The following GRIK3 variants were observed in gnomAD, a reference collection of about 807,000 sequenced individuals.
GRIK3 encodes the protein glutamate receptor ionotropic, kainate 3.
In GRIK3, 29 loss-of-function variants were observed where a neutral mutation model predicts 102.5. That is an observed-to-expected ratio of 0.28 (90% CI 0.21 to 0.39). The LOEUF (loss-of-function observed/expected upper bound fraction) is 0.39. Ranked by LOEUF, GRIK3 falls within the 10% of genes least tolerant of loss-of-function variation. The pLI is 1.00. For synonymous variants in GRIK3, 511 were observed against 504.9 expected, an observed-to-expected ratio of 1.01 and a Z score of -0.16; for missense variants, 908 against 1,252.4, an observed-to-expected ratio of 0.73 and a Z score of 4.15.
intron 1 of GRIK3, among the ~76,000 whole-genome samples, chr1:37,006,003 C>T (rs1224721228): frequency 1.3e-5 from 2 of 152,178 alleles, no homozygotes; most frequent in African/African-American, 4.8e-5. Flanking sequence ...GTCAGAATCG[C>T]TAGCCTGAAA....
chr1:36,905,245 T>C (rs1472531165), intron 1 of GRIK3, among the ~76,000 whole-genome samples: 1 of 152,146 alleles, frequency 6.6e-6, no homozygotes, highest in African/African-American at 2.4e-5. Flanking sequence ...AAGTCTTGAA[T>C]AAATGGAGAG....
intron 1 of GRIK3, among the ~76,000 whole-genome samples, chr1:36,952,169 C>A (rs534694843): frequency 1.3e-5 from 2 of 152,178 alleles, no homozygotes; most frequent in Non-Finnish European, 2.9e-5. Flanking sequence ...CTGTACAATA[C>A]GTACCACTCA....
chr1:36,960,189 C>T (rs1037656574), intron 1 of GRIK3, among the ~76,000 whole-genome samples: 1 of 149,148 alleles, frequency 6.7e-6, no homozygotes, highest in Admixed American at 6.7e-5. Flanking sequence ...GAGTCTGTGC[C>T]CCCGAGCCTC....
intron 8 of GRIK3, among the ~76,000 whole-genome samples, 179 bp downstream of exon 8, chr1:36,853,436 C>A (rs1047312022): frequency 2.0e-5 from 3 of 152,138 alleles, no homozygotes; most frequent in Non-Finnish European, 2.9e-5. Context: ...TCCAACCAGG[C>A]CTTCTTGTTC....
intron 9 of GRIK3, among the ~76,000 whole-genome samples, chr1:36,844,729 T>C (rs1483746124): frequency 2.0e-5 from 3 of 152,224 alleles, no homozygotes; most frequent in African/African-American, 7.2e-5. Flanking sequence ...GCCTGGCAAC[T>C]GTTAGCTGCC....
chr1:36,979,662 T>C (rs3753774), intron 1 of GRIK3, among the ~76,000 whole-genome samples: 23,545 of 152,160 alleles, frequency 0.15, 2,526 homozygotes, highest in African/African-American at 0.31. Flanking sequence ...GTTCTTCTCT[T>C]GGGAATCTCA....
Position 36,806,112 on chromosome 1 carries a change from G to C in GRIK3, c.2306C>G (p.Thr769Arg), listed in dbSNP as rs763515718. ...LIDSKGYGIG[T>R]PMGSPYRDKI... is the part of the protein sequence containing the mutation. ...GGCAGCCCCTCGCTCACCCATGGGC[G>C]TGCCGATGCCGTAGCCCTTGGAGTC... The change falls in exon 14 of 16, where the codon ACG (threonine) becomes AGG (arginine). Residue 769 changes from threonine (T) to arginine (R), a missense_variant. This residue lies in a region of GRIK3 where 297 missense variants were observed against 362.7 expected (regional missense o/e 0.82). Coordinates refer to ENST00000373091, the MANE Select transcript of GRIK3 (RefSeq NM_000831.4). This position sits in a 1 kb window ranked among gnomAD's most constrained non-coding sequence, Gnocchi z 4.0. 1.2e-6 allele frequency: 2 copies of C among 1,612,660 alleles called. No individual in the cohort carries two copies. Among genetic ancestry groups the C allele is most frequent in the Non-Finnish European group, 1.7e-6 (2 of 1,178,848 alleles).
chr1:36,944,899 T>G (rs1641765783), intron 1 of GRIK3, among the ~76,000 whole-genome samples: 1 of 152,228 alleles, frequency 6.6e-6, no homozygotes. Flanking sequence ...CAGTGGCTTG[T>G]GCCATCTTTA....
chr1:36,813,521 C>T (rs1395161627), intron 13 of GRIK3, among the ~76,000 whole-genome samples: 2 of 152,166 alleles, frequency 1.3e-5, no homozygotes, highest in African/African-American at 4.8e-5. Flanking sequence ...ATGAAGACAG[C>T]ATGTCTGACC....
chr1:36,912,073 T>C (rs1641351439), intron 1 of GRIK3, among the ~76,000 whole-genome samples: 1 of 152,130 alleles, frequency 6.6e-6, no homozygotes, highest in Non-Finnish European at 1.5e-5. Flanking sequence ...CCTCACCCCA[T>C]GCTGTTTCTC....
At chr1:37,018,010 C>T (rs1246673257) in intron 1 of GRIK3, among the ~76,000 whole-genome samples, 2 of 152,188 alleles carry the variant, frequency 1.3e-5, no homozygotes, top group South Asian at 4.1e-4. Flanking sequence ...CTTGACTACG[C>T]TTGTGCAGAA....
chr1:36,904,631 T>A (rs535312416), intron 1 of GRIK3, among the ~76,000 whole-genome samples: 3 of 152,262 alleles, frequency 2.0e-5, no homozygotes, highest in African/African-American at 7.2e-5. Context: ...AGCAAGAGAT[T>A]ACTCAATATA....
In GRIK3 at chr1:36,939,072, T is replaced by A. The variant is rs115697687; in HGVS notation, c.116-47976A>T. ...TAAGCCAACACTGCCCTTCCCGCAT[T>A]TGGCTGTATGAGTCAGTAAATATCA... On this transcript the variant is annotated intron_variant, in intron 1 of 15. Coordinates refer to ENST00000373091, the MANE Select transcript of GRIK3 (RefSeq NM_000831.4). Among the ~76,000 whole-genome samples the A allele has an allele frequency of 6.4e-3, 981 of 152,282 alleles. 11 individuals carry two copies. Among genetic ancestry groups the A allele is most frequent in the African/African-American group, 0.022 (929 of 41,554 alleles).
chr1:36,893,848 A>G (rs1378820453), intron 1 of GRIK3, among the ~76,000 whole-genome samples: 1 of 152,252 alleles, frequency 6.6e-6, no homozygotes, highest in African/African-American at 2.4e-5. Context: ...TATATTTTTA[A>G]GTGAACAGTG....
chr1:36,858,442 G>A (rs528082976), intron 7 of GRIK3, among the ~76,000 whole-genome samples: 80 of 152,336 alleles, frequency 5.3e-4, no homozygotes, highest in African/African-American at 1.6e-3. Flanking sequence ...GTGGCAGATG[G>A]AGAAGCCTTT....
Position 36,880,796 on chromosome 1 carries a change from C to G in GRIK3, c.388G>C (p.Val130Leu). The part of the protein sequence containing the change: ...AVQSICNALE[V>L]PHIQLRWKHH... Reference sequence around the variant, plus strand: ...TTCCAACGCAGCTGGATGTGGGGCACCTCCAGGGCATTGCAGATGGACTGG... The same window carrying G: ...TTCCAACGCAGCTGGATGTGGGGCAGCTCCAGGGCATTGCAGATGGACTGG... The change falls in exon 3 of 16, where the codon GTG (valine) becomes CTG (leucine). Residue 130 changes from valine to leucine, a missense_variant. This residue lies in a region of GRIK3 where 585 missense variants were observed against 824.9 expected (regional missense o/e 0.71). Coordinates refer to ENST00000373091, the MANE Select transcript of GRIK3 (RefSeq NM_000831.4). The surrounding 1 kb of genome is among the most constrained non-coding windows in gnomAD (Gnocchi z 5.4). The G allele has an allele frequency of 6.2e-7, 1 of 1,614,168 alleles. No homozygotes were observed. The highest frequency in any genetic ancestry group is 8.5e-7 in the Non-Finnish European group (1 of 1,180,008).
At chr1:36,894,388 T>C (rs1238520635) in intron 1 of GRIK3, among the ~76,000 whole-genome samples, 1 of 152,252 alleles carries the variant, frequency 6.6e-6, no homozygotes, top group Non-Finnish European at 1.5e-5. Flanking sequence ...ACATTTTATT[T>C]TTCTATCCAC....
At chr1:37,005,490 GAAC>G (rs1642521657) in intron 1 of GRIK3, among the ~76,000 whole-genome samples, 1 of 152,206 alleles carries the variant, frequency 6.6e-6, no homozygotes, top group Admixed American at 6.5e-5. Context: ...GAAAGTCAGA[GAAC>G]AACAAAGGCA....
Position 36,830,827 on chromosome 1 carries a change from A to AG in GRIK3, c.1531-5002_1531-5001insC, listed in dbSNP as rs1395029354. ...CTCTGTCTCAAAAAAAAAAAAAAAA[A>AG]AAAAAAAAAGAAAAGAGGATGCACA... is the stretch of plus-strand genomic sequence containing the variant. On this transcript the variant is annotated intron_variant, in intron 10 of 15. Coordinates refer to ENST00000373091, the MANE Select transcript of GRIK3 (RefSeq NM_000831.4). Among the ~76,000 whole-genome samples the AG allele has an allele frequency of 7.4e-3, 1,115 of 150,072 alleles. 20 individuals are homozygous for AG. Among genetic ancestry groups the AG allele is most frequent in the African/African-American group, 0.025 (1,013 of 40,194 alleles).
Sources: gnomAD v4.1 joint callset for allele counts (sites outside exome capture counted in the v4.1 genomes callset) on GRCh38, gnomAD v4.1.1 for gene constraint, gnomAD v4.1.1 regional missense constraint, Gnocchi (gnomAD v3.1) non-coding constraint, MANE v1.5 for transcripts, NCBI Gene and HGNC (gene_info 2026-07-23, HGNC 2026-07-21) for gene names.